The following SYT14 variants were observed in gnomAD, a reference collection of about 807,000 sequenced individuals.
SYT14 encodes synaptotagmin-14.
Under a neutral mutation model 74.2 loss-of-function variants are expected in SYT14, and 32 were observed. The observed-to-expected ratio is 0.43, with a 90% CI of 0.33 to 0.58. The LOEUF (loss-of-function observed/expected upper bound fraction) is 0.58, where lower values mean the gene tolerates loss of function less well. Ranked by LOEUF, SYT14 falls within the 20% of genes least tolerant of loss-of-function variation. The pLI is 0.05. For missense variants in SYT14, 791 were observed against 981.8 expected, an observed-to-expected ratio of 0.81 and a Z score of 2.60; for synonymous variants, 298 against 337.7, an observed-to-expected ratio of 0.88 and a Z score of 1.29.
chr1:210,026,679 A>G (rs930381282), intron 5 of SYT14, among the ~76,000 whole-genome samples: 3 of 151,594 alleles, frequency 2.0e-5, no homozygotes, highest in African/African-American at 4.8e-5. Context: ...TGTTATAGCT[A>G]TATCACAAAC....
In SYT14 at chr1:209,967,777, C is replaced by T. The variant is rs571696454; in HGVS notation, c.-486+15021C>T. Reference sequence around the variant, plus strand: ...TAGGTTTTTGTTTCATTGATTTTGCCTATTGTGTATCTGCTTTCTAGTTAA... The same window carrying T: ...TAGGTTTTTGTTTCATTGATTTTGCTTATTGTGTATCTGCTTTCTAGTTAA... On this transcript the variant is annotated intron_variant, in intron 2 of 9. Transcript: ENST00000637265. Among the ~76,000 whole-genome samples, 11 of 151,840 alleles carry T rather than the reference C, an allele frequency of 7.2e-5. 2 individuals are homozygous for T. The South Asian group carries it at 2.3e-3, about 32-fold the overall frequency.
intron 5 of SYT14, among the ~76,000 whole-genome samples, chr1:210,085,548 A>G (rs1323594954): frequency 6.6e-6 from 1 of 152,194 alleles, no homozygotes. Flanking sequence ...ATTGCTTTCT[A>G]TTCCTAGTGC....
At chr1:209,996,904 A>G (rs946669278) in intron 2 of SYT14, among the ~76,000 whole-genome samples, 6 of 152,172 alleles carry the variant, frequency 3.9e-5, no homozygotes, top group African/African-American at 1.4e-4. Context: ...AGCTTTAGAT[A>G]AAATCCAGTA....
intron 5 of SYT14, among the ~76,000 whole-genome samples, chr1:210,059,447 T>TAGAGAGAGAGAGAGAG (rs1466056446): frequency 9.5e-5 from 9 of 94,726 alleles, no homozygotes; most frequent in Admixed American, 3.2e-4. Flanking sequence ...TATATATATA[T>TAGAGAGAGAGAGAGAG]ATATAGAGAG....
chr1:210,004,394 C>T (rs992002595), intron 2 of SYT14, among the ~76,000 whole-genome samples: 1 of 151,944 alleles, frequency 6.6e-6, no homozygotes, highest in Non-Finnish European at 1.5e-5. Context: ...TTAAGTAACA[C>T]GGGTTTATAT....
chr1:210,021,381 G>A (rs2080300232), intron 5 of SYT14, 127 bp downstream of exon 4: 4 of 941,544 alleles, frequency 4.2e-6, no homozygotes, highest in Non-Finnish European at 6.5e-6. Flanking sequence ...CACATTTCTG[G>A]GAATGTAATT....
intron 1 of SYT14, among the ~76,000 whole-genome samples, chr1:209,941,352 GC>G (rs775872604): frequency 9.2e-5 from 14 of 152,140 alleles, no homozygotes; most frequent in Admixed American, 3.9e-4. Flanking sequence ...TTTTTGAAAG[GC>G]ATTTTGAAAT....
chr1:210,026,902 C>G (rs1302468159), intron 5 of SYT14, among the ~76,000 whole-genome samples: 1 of 151,974 alleles, frequency 6.6e-6, no homozygotes, highest in Non-Finnish European at 1.5e-5. Flanking sequence ...AAAATTCTCT[C>G]TGTATTTTCC....
chr1:210,108,350 G>A (rs1401312110), intron 7 of SYT14, among the ~76,000 whole-genome samples: 2 of 152,208 alleles, frequency 1.3e-5, no homozygotes, highest in Non-Finnish European at 2.9e-5. Context: ...AGCTTTGTCA[G>A]ATGTTGATGA....
chr1:209,981,789 G>T (rs2079492623), intron 2 of SYT14, among the ~76,000 whole-genome samples: 1 of 151,978 alleles, frequency 6.6e-6, no homozygotes, highest in Middle Eastern at 3.2e-3. Flanking sequence ...GCTGAAAATA[G>T]GCCCTTATTC....
chr1:210,107,802 T>C (rs547283065), intron 7 of SYT14, among the ~76,000 whole-genome samples: 1 of 152,320 alleles, frequency 6.6e-6, no homozygotes, highest in Non-Finnish European at 1.5e-5. Context: ...TTTCTGTTAG[T>C]ATATATTCAT....
intron 5 of SYT14, among the ~76,000 whole-genome samples, chr1:210,086,172 T>C (rs1384993204): frequency 1.3e-5 from 2 of 152,230 alleles, no homozygotes; most frequent in Non-Finnish European, 2.9e-5. Flanking sequence ...CACTGCATTT[T>C]ATCAGGTGGG....
exon 10 of SYT14, chr1:210,165,165 T>G (rs1233004770): frequency 6.6e-6 from 1 of 152,126 alleles, no homozygotes; most frequent in Non-Finnish European, 1.5e-5. Context: ...GAACTGGGAT[T>G]GGAACCCAGG....
intron 6 of SYT14, 124 bp from the exon 6 acceptor site, chr1:210,099,888 A>T: frequency 1.1e-6 from 1 of 945,708 alleles, no homozygotes; most frequent in Non-Finnish European, 1.6e-6. Context: ...GTTAATTATT[A>T]TTGTATTACT....
At chr1:210,013,173 C>A (rs1027597983) in intron 2 of SYT14, among the ~76,000 whole-genome samples, 1 of 150,772 alleles carries the variant, frequency 6.6e-6, no homozygotes, top group South Asian at 2.1e-4. Context: ...CAGGTTCAAG[C>A]GATTCTCATG....
At chr1:210,061,776 A>G (rs1033543218) in intron 5 of SYT14, among the ~76,000 whole-genome samples, 1 of 151,940 alleles carries the variant, frequency 6.6e-6, no homozygotes, top group African/African-American at 2.4e-5. Flanking sequence ...AATTCACAAT[A>G]TAACTTAGAA....
intron 2 of SYT14, among the ~76,000 whole-genome samples, chr1:209,989,999 AT>A (rs776019141): frequency 4.3e-4 from 66 of 152,192 alleles, no homozygotes; most frequent in Non-Finnish European, 8.7e-4. Context: ...TTTAAAGTAT[AT>A]TCAATATAAA....
chr1:210,041,470 T>A (rs2080787240), intron 5 of SYT14, among the ~76,000 whole-genome samples: 2 of 152,110 alleles, frequency 1.3e-5, no homozygotes, highest in South Asian at 2.1e-4. Context: ...TTACAAAAAA[T>A]TTTCTAAAGG....
At chr1:209,950,841 C>T (rs2078899856) in intron 1 of SYT14, among the ~76,000 whole-genome samples, 1 of 151,942 alleles carries the variant, frequency 6.6e-6, no homozygotes, top group Non-Finnish European at 1.5e-5. Context: ...TTAATATTTT[C>T]ATTATGGAAA....
Sources: allele counts gnomAD v4.1 joint callset (sites outside exome capture counted in the v4.1 genomes callset), GRCh38; gene constraint gnomAD v4.1.1; transcripts MANE v1.5; gene names NCBI Gene and HGNC (gene_info 2026-07-23, HGNC 2026-07-21).